Variants in CAMK1D observed in about 807,000 individuals in gnomAD.
CAMK1D encodes calcium/calmodulin-dependent protein kinase type 1D.
Under a neutral mutation model 47.7 loss-of-function variants are expected in CAMK1D, and 9 were observed. The ratio of observed to expected loss-of-function variants is 0.19; its 90% CI spans 0.11 to 0.33. CAMK1D has a LOEUF of 0.33. Among genes scored for constraint, CAMK1D ranks in the 10% least tolerant of loss-of-function variants. CAMK1D has a pLI of 1.00. For missense variants in CAMK1D, 291 were observed against 488.7 expected, an observed-to-expected ratio of 0.60 and a Z score of 3.81; for synonymous variants, 184 against 184.9, an observed-to-expected ratio of 0.99 and a Z score of 0.04.
intron 1 of CAMK1D, among the ~76,000 whole-genome samples, chr10:12,434,516 C>G (rs1330069292): frequency 6.6e-6 from 1 of 152,148 alleles, no homozygotes; most frequent in African/African-American, 2.4e-5. Flanking sequence ...TAGAGCCCAG[C>G]CGTTGTTTGT....
At chr10:12,698,649 A>G (rs1833389109) in intron 3 of CAMK1D, among the ~76,000 whole-genome samples, 1 of 151,254 alleles carries the variant, frequency 6.6e-6, no homozygotes, top group African/African-American at 2.4e-5. Context: ...TTATTAGCTG[A>G]AGAAAAATGA....
chr10:12,828,564 C>A (rs147357776), intron 10 of CAMK1D, among the ~76,000 whole-genome samples: 4 of 151,974 alleles, frequency 2.6e-5, no homozygotes, highest in African/African-American at 9.7e-5. Context: ...TCGCTTGAAC[C>A]TGGCAGGCAG....
intron 3 of CAMK1D, among the ~76,000 whole-genome samples, chr10:12,758,158 T>C (rs1194867654): frequency 6.6e-6 from 1 of 152,078 alleles, no homozygotes; most frequent in Non-Finnish European, 1.5e-5. Flanking sequence ...CTGCATCCTC[T>C]TGACTTCATC....
intron 3 of CAMK1D, among the ~76,000 whole-genome samples, chr10:12,712,683 T>C (rs1055581691): frequency 6.6e-6 from 1 of 152,152 alleles, no homozygotes; most frequent in Non-Finnish European, 1.5e-5. Flanking sequence ...TCCCAAAGGC[T>C]CCATCTCCTA....
intron 6 of CAMK1D, 76 bp from the exon 7 acceptor site, chr10:12,814,119 T>C: frequency 1.0e-6 from 1 of 976,800 alleles, no homozygotes; most frequent in East Asian, 2.4e-5. Flanking sequence ...GTAATGTCTC[T>C]TCCTTCCAGG....
intron 2 of CAMK1D, among the ~76,000 whole-genome samples, chr10:12,582,374 T>C (rs1297833196): frequency 6.6e-6 from 1 of 152,222 alleles, no homozygotes; most frequent in Non-Finnish European, 1.5e-5. Context: ...ATGTGGACTC[T>C]TTTTTGGTGC....
chr10:12,748,123 C>T (rs1835769447), intron 3 of CAMK1D, among the ~76,000 whole-genome samples: 1 of 152,116 alleles, frequency 6.6e-6, no homozygotes, highest in African/African-American at 2.4e-5. Context: ...CTGGTCTGGC[C>T]AGAACAATGC....
At chr10:12,420,426 GTT>G (rs1195876797) in intron 1 of CAMK1D, among the ~76,000 whole-genome samples, 1 of 152,054 alleles carries the variant, frequency 6.6e-6, no homozygotes, top group Non-Finnish European at 1.5e-5. Flanking sequence ...ATTTTGTTTT[GTT>G]TTCATAACTC....
chr10:12,399,308 A>G (rs945725668), intron 1 of CAMK1D, among the ~76,000 whole-genome samples: 8 of 152,226 alleles, frequency 5.3e-5, no homozygotes, highest in African/African-American at 1.7e-4. Context: ...AGTTTGGACC[A>G]GCCTGGCCAA....
At chr10:12,656,853 T>TA (rs142982690) in intron 2 of CAMK1D, among the ~76,000 whole-genome samples, 3,463 of 151,824 alleles carry the variant, frequency 0.023, 66 homozygotes, top group South Asian at 0.11. Context: ...TGTATATACA[T>TA]TTTTTTTACA....
At chr10:12,618,168 C>T (rs1342793461) in intron 2 of CAMK1D, among the ~76,000 whole-genome samples, 1 of 152,228 alleles carries the variant, frequency 6.6e-6, no homozygotes, top group African/African-American at 2.4e-5. Context: ...AACATTTCCT[C>T]ATTTCCTATT....
intron 1 of CAMK1D, among the ~76,000 whole-genome samples, chr10:12,375,856 C>T (rs566256852): frequency 2.0e-5 from 3 of 152,076 alleles, no homozygotes; most frequent in South Asian, 4.1e-4. Flanking sequence ...GTCCGTATGC[C>T]GATTTCTCTA....
chr10:12,581,584 G>A (rs1194381514), intron 2 of CAMK1D, among the ~76,000 whole-genome samples: 1 of 152,118 alleles, frequency 6.6e-6, no homozygotes, highest in Admixed American at 6.5e-5. Flanking sequence ...GGCCATTCTT[G>A]CAGGAGTGAA....
chr10:12,504,292 G>T (rs75383929), intron 1 of CAMK1D, among the ~76,000 whole-genome samples: 3,598 of 151,792 alleles, frequency 0.024, 121 homozygotes, highest in African/African-American at 0.075. Context: ...GTATAATTCA[G>T]TCCGACAGTC....
chr10:12,782,155 C>T (rs915617806), intron 5 of CAMK1D, among the ~76,000 whole-genome samples: 9 of 152,156 alleles, frequency 5.9e-5, no homozygotes, highest in Non-Finnish European at 1.3e-4. Flanking sequence ...AGACAGACTT[C>T]AGGCAGAGAA....
At chr10:12,371,968 T>TA (rs1004574970) in intron 1 of CAMK1D, among the ~76,000 whole-genome samples, 2 of 152,110 alleles carry the variant, frequency 1.3e-5, no homozygotes, top group African/African-American at 4.8e-5. Context: ...TGCCCCGGCT[T>TA]AAAAAATCTT....
intron 6 of CAMK1D, among the ~76,000 whole-genome samples, chr10:12,801,349 C>CTA (rs1838449767): frequency 1.9e-5 from 2 of 107,580 alleles, no homozygotes; most frequent in African/African-American, 9.2e-5. Flanking sequence ...ATCTATCTAT[C>CTA]TATCTTATCT....
intron 1 of CAMK1D, among the ~76,000 whole-genome samples, chr10:12,385,106 GTGT>G (rs1426525844): frequency 6.6e-6 from 1 of 152,204 alleles, no homozygotes; most frequent in Non-Finnish European, 1.5e-5. Context: ...ATAATAACAA[GTGT>G]TGGTGAAGAT....
chr10:12,389,401 G>A (rs751729275), intron 1 of CAMK1D, among the ~76,000 whole-genome samples: 6 of 152,210 alleles, frequency 3.9e-5, no homozygotes, highest in Non-Finnish European at 8.8e-5. Context: ...GTGGCCAGAG[G>A]TGTCTTCAGG....
Sources: allele counts gnomAD v4.1 joint callset (sites outside exome capture counted in the v4.1 genomes callset), GRCh38; gene constraint gnomAD v4.1.1; transcripts MANE v1.5; gene names NCBI Gene and HGNC (gene_info 2026-07-23, HGNC 2026-07-21).